The following MYOM1 variants were observed in gnomAD, a reference collection of about 807,000 sequenced individuals.
The protein encoded by MYOM1 is myomesin-1.
MYOM1 carries 164 observed loss-of-function variants against 205.3 expected under a neutral mutation model. That is an observed-to-expected ratio of 0.80 (90% CI 0.70 to 0.91). The LOEUF (loss-of-function observed/expected upper bound fraction) is 0.91. Ranked by LOEUF, MYOM1 falls within the 40% of genes least tolerant of loss-of-function variation. The probability of loss-of-function intolerance (pLI) is 0.00; values close to 1 mark genes in which losing one functional copy is unlikely to be tolerated. For synonymous variants in MYOM1, 772 were observed against 789.4 expected (o/e 0.98, Z 0.37); for missense variants, 2,011 against 2,127.3 (o/e 0.95, Z 1.08).
At chr18:3,151,331 G>A (rs1472188506) in intron 12 of MYOM1, among the ~76,000 whole-genome samples, 1 of 151,554 alleles carries the variant, frequency 6.6e-6, no homozygotes, top group Non-Finnish European at 1.5e-5. Flanking sequence ...TTTTTGGAAT[G>A]TATAATAACA....
At position 3,219,634 on chromosome 18, in the gene MYOM1, G is replaced by A. The variant is rs961184219; in HGVS notation, c.-29+169C>T. On this transcript the variant is annotated intron_variant, in intron 1 of 37. Transcript: ENST00000356443. This position sits in a 1 kb window ranked among gnomAD's most constrained non-coding sequence, Gnocchi z 4.4. ...GCTGTGCCAGCCCGACTGGCACCCG[G>A]CTGTTCTGGTTTCCCTCCCTGGAGC... Among the ~76,000 whole-genome samples, 28 of 152,206 alleles carry A rather than the reference G, an allele frequency of 1.8e-4. No individual in the cohort carries two copies. The highest frequency in any genetic ancestry group is 5.1e-4 in the African/African-American group (21 of 41,448).
chr18:3,206,261 T>C (rs1361913024), intron 2 of MYOM1, among the ~76,000 whole-genome samples: 1 of 152,222 alleles, frequency 6.6e-6, no homozygotes, highest in Non-Finnish European at 1.5e-5. Context: ...TTTTCTATTC[T>C]AAAAATGTTC....
At position 3,174,078 on chromosome 18, in the gene MYOM1, A is replaced by AAC. The variant is rs35188311; in HGVS notation, c.1111+40_1111+41dup. ...AAAACCATGGGAAGAAATTTTTAAA[A>AAC]ACACACACACACTTTGAAGAAAACA... On this transcript the variant is annotated intron_variant, in intron 7 of 37. Transcript: ENST00000356443. The AAC allele has an allele frequency of 0.25, 395,660 of 1,600,090 alleles. 47,935 individuals are homozygous for AAC. Among genetic ancestry groups the AAC allele is most frequent in the East Asian group, 0.29 (12,770 of 44,584 alleles).
chr18:3,226,367 G>A, the MYOM1 span, among the ~76,000 whole-genome samples: 20 of 151,992 alleles, frequency 1.3e-4, no homozygotes, highest in Non-Finnish European at 7.4e-5. This position sits in a 1 kb window ranked among gnomAD's most constrained non-coding sequence, Gnocchi z 4.6. Flanking sequence ...TCTTCCCCAG[G>A]TGGCCTCCTC....
Position 3,164,280 on chromosome 18 carries a change from C to T in MYOM1, c.1499G>A (p.Arg500Gln), listed in dbSNP as rs779530873. ...YEQYSAYVFVRDADAEIEGAP... is the reference protein window; with the variant it reads ...YEQYSAYVFVQDADAEIEGAP... The stretch of plus-strand genomic sequence containing the variant: ...TTTTGTTTTTTGCTAGGACTTACCT[C>T]GAACAAAGACATAAGCACTATATTG... The change falls in exon 10 of 38, where the codon CGA (arginine) becomes CAA (glutamine). Residue 500 changes from arginine (R) to glutamine (Q), a missense_variant and splice_region_variant. Physicochemically the swap from Arg to Gln is conservative, Grantham distance 43 (BLOSUM62 1). Transcript: ENST00000356443. The T allele has an allele frequency of 3.7e-6, 6 of 1,612,220 alleles. No individual in the cohort carries two copies. Among genetic ancestry groups the T allele is most frequent in the South Asian group, 3.3e-5 (3 of 90,622 alleles).
intron 20 of MYOM1, among the ~76,000 whole-genome samples, chr18:3,118,082 T>C (rs926920003): frequency 1.3e-5 from 2 of 152,218 alleles, no homozygotes; most frequent in African/African-American, 4.8e-5. Context: ...CCTAGTTTCC[T>C]ACCCTAATTA....
intron 10 of MYOM1, among the ~76,000 whole-genome samples, chr18:3,158,312 T>C (rs1319242988): frequency 2.6e-5 from 4 of 152,244 alleles, no homozygotes; most frequent in African/African-American, 4.8e-5. Context: ...TGGTATGTCA[T>C]CGTTTCATGG....
At chr18:3,192,094 T>C (rs761201409) in intron 3 of MYOM1, among the ~76,000 whole-genome samples, 1 of 152,050 alleles carries the variant, frequency 6.6e-6, no homozygotes, top group Non-Finnish European at 1.5e-5. Flanking sequence ...AGGGAGAAGA[T>C]GTTAGGAGTA....
intron 3 of MYOM1, among the ~76,000 whole-genome samples, chr18:3,193,406 T>A (rs1341876455): frequency 7.1e-6 from 1 of 140,602 alleles, no homozygotes; most frequent in Middle Eastern, 3.9e-3. Context: ...ACCCAACATT[T>A]TGTAGTTTTT....
At chr18:3,194,006 C>T (rs764315721) in intron 2 of MYOM1, 48 bp from the exon 3 acceptor site, 2 of 1,592,136 alleles carry the variant, frequency 1.3e-6, no homozygotes, top group Non-Finnish European at 1.7e-6. Context: ...AAGGCATTTA[C>T]AATATTCAAA....
intron 9 of MYOM1, among the ~76,000 whole-genome samples, chr18:3,168,519 C>T (rs995525947): frequency 2.6e-5 from 4 of 152,138 alleles, no homozygotes; most frequent in African/African-American, 9.7e-5. Context: ...AAACTCCTGA[C>T]CTCAGGTTAT....
At chr18:3,180,447 G>C (rs1478309018) in intron 5 of MYOM1, among the ~76,000 whole-genome samples, 1 of 152,178 alleles carries the variant, frequency 6.6e-6, no homozygotes, top group Non-Finnish European at 1.5e-5. Flanking sequence ...ATTCCACCCA[G>C]TGAGGCATTT....
chr18:3,128,572 T>C (rs2079828280), intron 18 of MYOM1, among the ~76,000 whole-genome samples: 1 of 152,224 alleles, frequency 6.6e-6, no homozygotes, highest in Admixed American at 6.5e-5. Context: ...TTTTAAACTT[T>C]TCATGGTAAC....
chr18:3,220,383 A>G (rs559617746), upstream of MYOM1, among the ~76,000 whole-genome samples: 2 of 152,352 alleles, frequency 1.3e-5, no homozygotes, highest in South Asian at 4.1e-4. Context: ...AACTAAAGGC[A>G]AAACAAGGAA....
intron 36 of MYOM1, among the ~76,000 whole-genome samples, chr18:3,072,414 C>T (rs1039008989): frequency 3.9e-4 from 50 of 129,386 alleles, no homozygotes; most frequent in Non-Finnish European, 6.3e-4. Flanking sequence ...AATGCAGTGG[C>T]GCAATCTCAG....
chr18:3,162,940 G>A (rs1230788290), intron 10 of MYOM1, among the ~76,000 whole-genome samples: 1 of 151,806 alleles, frequency 6.6e-6, no homozygotes, highest in African/African-American at 2.4e-5. Flanking sequence ...GCAAGAGAAT[G>A]GTGTGAACCC....
chr18:3,094,040 G>T, intron 26 of MYOM1, 130 bp downstream of exon 26: 1 of 853,046 alleles, frequency 1.2e-6, no homozygotes, highest in Non-Finnish European at 1.8e-6. Flanking sequence ...GTTTTCACTT[G>T]TGAGAAGGAT....
At chr18:3,087,308 GT>G (rs907633584) in intron 29 of MYOM1, among the ~76,000 whole-genome samples, 75 of 146,378 alleles carry the variant, frequency 5.1e-4, no homozygotes, top group Non-Finnish European at 5.9e-4. Context: ...AGGGCATGAA[GT>G]TTTTTTGGGC....
chr18:3,185,080 T>G (rs910272027), intron 5 of MYOM1, among the ~76,000 whole-genome samples: 3 of 152,246 alleles, frequency 2.0e-5, no homozygotes, highest in Non-Finnish European at 2.9e-5. Flanking sequence ...TCATCTCCTA[T>G]TTTTCCGGAG....
Sources: gnomAD v4.1 joint callset for allele counts (sites outside exome capture counted in the v4.1 genomes callset) on GRCh38, gnomAD v4.1.1 for gene constraint, Gnocchi (gnomAD v3.1) non-coding constraint, MANE v1.5 for transcripts, NCBI Gene and HGNC (gene_info 2026-07-23, HGNC 2026-07-21) for gene names.